RBMS3: variants seen among roughly 807,000 people sequenced by gnomAD.
RBMS3 encodes the protein RNA-binding motif, single-stranded-interacting protein 3.
A neutral mutation model predicts 66.8 loss-of-function variants in RBMS3; 27 were observed. The observed-to-expected ratio is 0.40, with a 90% CI of 0.30 to 0.56. RBMS3 has a LOEUF of 0.56. Ranked by LOEUF, RBMS3 falls within the 20% of genes least tolerant of loss-of-function variation. RBMS3 has a pLI of 0.40. For synonymous variants in RBMS3, 188 were observed against 183.0 expected (o/e 1.03, Z -0.22); for missense variants, 513 against 549.5 (o/e 0.93, Z 0.66).
At chr3:29,376,683 G>A (rs2038488155) in intron 1 of RBMS3, among the ~76,000 whole-genome samples, 1 of 152,094 alleles carries the variant, frequency 6.6e-6, no homozygotes, top group Admixed American at 6.6e-5. Context: ...CGAGGTGAGC[G>A]GATCACGAGG....
chr3:29,590,906 A>G (rs1450357911), intron 4 of RBMS3, among the ~76,000 whole-genome samples: 1 of 152,144 alleles, frequency 6.6e-6, no homozygotes, highest in Non-Finnish European at 1.5e-5. Context: ...TGGCTTCTAA[A>G]GTTCCAGCTC....
chr3:29,974,995 C>T (rs1327107182), intron 12 of RBMS3, among the ~76,000 whole-genome samples: 9 of 98,454 alleles, frequency 9.1e-5, no homozygotes, highest in Non-Finnish European at 1.5e-4. Flanking sequence ...ATATAAAATA[C>T]GTTTCTATAT....
chr3:29,444,083 C>CT (rs1225044166), intron 2 of RBMS3, among the ~76,000 whole-genome samples: 1 of 152,044 alleles, frequency 6.6e-6, no homozygotes, highest in Non-Finnish European at 1.5e-5. Flanking sequence ...AGTTTAATAT[C>CT]TGATTCTAGT....
chr3:29,481,983 C>G (rs2043143304), intron 2 of RBMS3, among the ~76,000 whole-genome samples: 1 of 152,114 alleles, frequency 6.6e-6, no homozygotes, highest in African/African-American at 2.4e-5. Flanking sequence ...TCATACAGAT[C>G]AAGGAACAGG....
intron 6 of RBMS3, among the ~76,000 whole-genome samples, chr3:29,839,876 G>A (rs2058620598): frequency 6.6e-6 from 1 of 151,778 alleles, no homozygotes; most frequent in African/African-American, 2.4e-5. Flanking sequence ...CAAAAAAATT[G>A]CCAAAACATA....
intron 6 of RBMS3, among the ~76,000 whole-genome samples, chr3:29,855,362 T>A (rs1374717236): frequency 6.6e-6 from 1 of 152,206 alleles, no homozygotes; most frequent in African/African-American, 2.4e-5. Flanking sequence ...AAGGAAAGCT[T>A]TTACAGATTC....
intron 2 of RBMS3, among the ~76,000 whole-genome samples, chr3:29,436,304 A>G (rs1216825141): frequency 6.6e-6 from 1 of 152,228 alleles, no homozygotes; most frequent in Non-Finnish European, 1.5e-5. Flanking sequence ...AAATACAAAT[A>G]CATAACTGTC....
intron 4 of RBMS3, among the ~76,000 whole-genome samples, chr3:29,721,596 C>G (rs1023232286): frequency 6.6e-6 from 1 of 152,228 alleles, no homozygotes; most frequent in Non-Finnish European, 1.5e-5. Flanking sequence ...TTCAGGGTCA[C>G]GGGTCTATCC....
intron 5 of RBMS3, among the ~76,000 whole-genome samples, chr3:29,750,515 G>A (rs530456961): frequency 6.6e-6 from 1 of 152,088 alleles, no homozygotes. Context: ...TGGAATACAT[G>A]TTAATACATG....
At chr3:29,818,424 A>AT (rs1468810587) in intron 6 of RBMS3, among the ~76,000 whole-genome samples, 1 of 151,664 alleles carries the variant, frequency 6.6e-6, no homozygotes, top group Non-Finnish European at 1.5e-5. Context: ...AATTTATATA[A>AT]TTTTTTTAGT....
intron 6 of RBMS3, among the ~76,000 whole-genome samples, chr3:29,857,251 G>T (rs1025113908): frequency 1.3e-5 from 2 of 152,148 alleles, no homozygotes; most frequent in Non-Finnish European, 2.9e-5. Flanking sequence ...TTCTTGACCT[G>T]AGTTGGAGTT....
At chr3:29,514,648 C>CATATATAT (rs1491498729) in intron 3 of RBMS3, among the ~76,000 whole-genome samples, 1 of 47,952 alleles carries the variant, frequency 2.1e-5, no homozygotes, top group Non-Finnish European at 3.3e-5. Context: ...GTGTGATAGG[C>CATATATAT]ACATATATAT....
intron 4 of RBMS3, among the ~76,000 whole-genome samples, chr3:29,657,158 C>T (rs1001794191): frequency 2.0e-5 from 3 of 152,180 alleles, no homozygotes; most frequent in African/African-American, 4.8e-5. Context: ...GAAAGGGGAC[C>T]TGATTTTGGT....
chr3:29,723,446 T>C (rs866531646), intron 4 of RBMS3, among the ~76,000 whole-genome samples: 1 of 152,214 alleles, frequency 6.6e-6, no homozygotes, highest in Non-Finnish European at 1.5e-5. Context: ...AATTCACTTA[T>C]ATAAGAAGGA....
intron 4 of RBMS3, among the ~76,000 whole-genome samples, chr3:29,723,662 C>T (rs535333083): frequency 1.6e-4 from 25 of 152,192 alleles, no homozygotes; most frequent in South Asian, 8.3e-4. Flanking sequence ...GTTGCTGTTT[C>T]GAAGGTTGGG....
Position 29,532,024 on chromosome 3 carries a change from G to A in RBMS3, c.307+43525G>A, listed in dbSNP as rs1041854942. Among the ~76,000 whole-genome samples the A allele has an allele frequency of 6.6e-5, 10 of 151,830 alleles. No homozygotes were observed. The South Asian group carries it at 1.7e-3, about 25-fold the overall frequency. On this transcript the variant is annotated intron_variant, in intron 3 of 14. Transcript: ENST00000383767. Reference sequence around the variant, plus strand: ...GAAACGGAGCCGTTCTAAGTCTTAGGAGGCTTGAGTTAGCATAGTGCCTGA... The same window carrying A: ...GAAACGGAGCCGTTCTAAGTCTTAGAAGGCTTGAGTTAGCATAGTGCCTGA...
intron 4 of RBMS3, among the ~76,000 whole-genome samples, chr3:29,697,294 C>G (rs996719325): frequency 2.8e-4 from 43 of 152,154 alleles, no homozygotes; most frequent in Admixed American, 2.7e-3. Flanking sequence ...TTTTAGACAA[C>G]TTCCTCCAAA....
intron 6 of RBMS3, among the ~76,000 whole-genome samples, chr3:29,868,362 G>C (rs12492854): frequency 5.9e-4 from 90 of 152,160 alleles, no homozygotes; most frequent in African/African-American, 2.2e-3. Flanking sequence ...TCAGCTTCTA[G>C]CCATTTAGAA....
intron 4 of RBMS3, among the ~76,000 whole-genome samples, chr3:29,721,603 A>G (rs1473093485): frequency 6.6e-6 from 1 of 152,174 alleles, no homozygotes. Context: ...TCACGGGTCT[A>G]TCCATTTCTC....
Sources: allele counts gnomAD v4.1 joint callset (sites outside exome capture counted in the v4.1 genomes callset), GRCh38; gene constraint gnomAD v4.1.1; transcripts MANE v1.5; gene names NCBI Gene and HGNC (gene_info 2026-07-23, HGNC 2026-07-21).